LRP12: variants seen among roughly 807,000 people sequenced by gnomAD.
LRP12 encodes LDL receptor related protein 12.
In LRP12, 14 loss-of-function variants were observed where a neutral mutation model predicts 66.0. The ratio of observed to expected loss-of-function variants is 0.21; its 90% CI spans 0.14 to 0.33. The LOEUF (loss-of-function observed/expected upper bound fraction) is 0.33. Ranked by LOEUF, LRP12 falls within the 10% of genes least tolerant of loss-of-function variation. The pLI is 1.00. For synonymous variants in LRP12, 357 were observed against 359.1 expected (o/e 0.99, Z 0.07); for missense variants, 889 against 1,053.4 (o/e 0.84, Z 2.16).
At chr8:104,564,278 A>T (rs1042536597) in intron 1 of LRP12, among the ~76,000 whole-genome samples, 4 of 152,168 alleles carry the variant, frequency 2.6e-5, no homozygotes, top group Admixed American at 6.5e-5. Context: ...ATCACAAGGG[A>T]TCTGTTAAAA....
Position 104,509,033 on chromosome 8 carries a change from T to C in LRP12, c.178A>G (p.Ile60Val), listed in dbSNP as rs780355546. 14 of 1,613,804 alleles carry C rather than the reference T, an allele frequency of 8.7e-6. No individual in the cohort carries two copies. The highest frequency in any genetic ancestry group is 1.2e-5 in the Non-Finnish European group (14 of 1,179,854). Residue 60 changes from isoleucine (I) to valine (V), a missense_variant, in exon 3 of 7, where the codon ATA becomes GTA. Transcript: ENST00000276654. Reference sequence around the variant, plus strand: ...GAAGGCCAGCCTGGGCTTGTGATTATGCCACTTGGTGCTCGTATTTGCTCT... The same window carrying C: ...GAAGGCCAGCCTGGGCTTGTGATTACGCCACTTGGTGCTCGTATTTGCTCT... ...TPEQIRAPSG[I>V]ITSPGWPSEY...
At chr8:104,569,998 C>CA (rs1417768839) in intron 1 of LRP12, among the ~76,000 whole-genome samples, 2 of 152,102 alleles carry the variant, frequency 1.3e-5, no homozygotes, top group East Asian at 3.9e-4. Flanking sequence ...CATATACATG[C>CA]AAAAAACAAT....
intron 1 of LRP12, among the ~76,000 whole-genome samples, chr8:104,548,168 T>TACA (rs1188655431): frequency 1.7e-5 from 1 of 58,018 alleles, no homozygotes; most frequent in Non-Finnish European, 2.8e-5. Flanking sequence ...AATTATTATA[T>TACA]ATAATATAAT....
intron 2 of LRP12, among the ~76,000 whole-genome samples, chr8:104,517,452 T>A (rs1811087658): frequency 6.6e-6 from 1 of 151,854 alleles, no homozygotes; most frequent in African/African-American, 2.4e-5. Context: ...TAGACAGCAG[T>A]CAAGCCAAGA....
At chr8:104,548,773 C>G (rs1371897110) in intron 1 of LRP12, among the ~76,000 whole-genome samples, 1 of 148,560 alleles carries the variant, frequency 6.7e-6, no homozygotes, top group African/African-American at 2.5e-5. Flanking sequence ...GGAGAAACCC[C>G]GTCTCTACTA....
chr8:104,502,804 C>A (rs1810848863), intron 3 of LRP12, among the ~76,000 whole-genome samples: 1 of 151,872 alleles, frequency 6.6e-6, no homozygotes, highest in Admixed American at 6.6e-5. Context: ...CTTATCCAAA[C>A]TTAATAGCTC....
At chr8:104,570,961 G>A (rs547224049) in intron 1 of LRP12, among the ~76,000 whole-genome samples, 6 of 152,246 alleles carry the variant, frequency 3.9e-5, no homozygotes, top group African/African-American at 1.4e-4. Context: ...AAGTATATGA[G>A]AAGATGTTCA....
chr8:104,500,408 T>G (rs1306146671), intron 3 of LRP12, among the ~76,000 whole-genome samples: 1 of 152,162 alleles, frequency 6.6e-6, no homozygotes, highest in African/African-American at 2.4e-5. Context: ...TATTATGAAC[T>G]ATGCTTTAAA....
intron 2 of LRP12, among the ~76,000 whole-genome samples, chr8:104,511,624 A>T (rs2140845370): frequency 6.6e-6 from 1 of 152,362 alleles, no homozygotes; most frequent in African/African-American, 2.4e-5. Context: ...TTTTATCCAT[A>T]ATGATCAAAA....
chr8:104,542,271 A>C (rs769631134), intron 1 of LRP12, among the ~76,000 whole-genome samples: 3 of 152,162 alleles, frequency 2.0e-5, no homozygotes, highest in Non-Finnish European at 4.4e-5. Context: ...TCATGTGCTT[A>C]ACAGCCACTT....
chr8:104,564,536 G>A (rs138834220), intron 1 of LRP12, among the ~76,000 whole-genome samples: 10 of 152,114 alleles, frequency 6.6e-5, no homozygotes, highest in African/African-American at 2.2e-4. Context: ...AGGGATGAGA[G>A]TAGGGGACAG....
chr8:104,580,516 C>A (rs1812234004), intron 1 of LRP12, among the ~76,000 whole-genome samples: 1 of 149,912 alleles, frequency 6.7e-6, no homozygotes. Flanking sequence ...GGCGACAGAG[C>A]AAGACTCCGT....
intron 2 of LRP12, among the ~76,000 whole-genome samples, chr8:104,525,936 C>T (rs187697090): frequency 1.4e-4 from 21 of 152,154 alleles, no homozygotes; most frequent in African/African-American, 3.6e-4. Context: ...GAAAACCCCA[C>T]TGTCTCAGCC....
intron 6 of LRP12, among the ~76,000 whole-genome samples, chr8:104,493,225 A>G (rs1258491931): frequency 6.6e-6 from 1 of 152,212 alleles, no homozygotes; most frequent in Non-Finnish European, 1.5e-5. Context: ...CATTCCTCAA[A>G]AAGCGTTTCT....
At chr8:104,586,841 T>C (rs991262889) in intron 1 of LRP12, among the ~76,000 whole-genome samples, 3 of 152,156 alleles carry the variant, frequency 2.0e-5, no homozygotes, top group Non-Finnish European at 4.4e-5. Flanking sequence ...CCTCCTTTTT[T>C]TTTTTACACT....
intron 1 of LRP12, among the ~76,000 whole-genome samples, chr8:104,555,312 C>T (rs891812826): frequency 8.5e-5 from 13 of 152,132 alleles, no homozygotes; most frequent in African/African-American, 2.2e-4. Context: ...AATAGTACCT[C>T]GCATTTCAAT....
At position 104,490,873 on chromosome 8, in the gene LRP12, G is replaced by C; in HGVS notation, c.2380C>G (p.Pro794Ala). 4 of 1,614,098 alleles carry C rather than the reference G, an allele frequency of 2.5e-6. No individual in the cohort carries two copies. Among genetic ancestry groups the C allele is most frequent in the Non-Finnish European group, 3.4e-6 (4 of 1,180,018 alleles). The change falls in exon 7 of 7, where the codon CCT (proline) becomes GCT (alanine). Residue 794 changes from proline (P) to alanine (A), a missense_variant. Transcript: ENST00000276654. ...SDFDVNDCSR[P>A]LLDLASDQGQ... ...TGATCTGAGGCAAGATCAAGAAGAG[G>C]TCTGGAGCAGTCATTCACATCAAAG...
intron 1 of LRP12, among the ~76,000 whole-genome samples, chr8:104,537,796 T>G (rs1811411376): frequency 6.6e-6 from 1 of 151,966 alleles, no homozygotes; most frequent in South Asian, 2.1e-4. Flanking sequence ...TCCAAAAACA[T>G]AGAGTAAAAG....
chr8:104,586,563 G>A (rs1047962648), intron 1 of LRP12, among the ~76,000 whole-genome samples: 3 of 152,156 alleles, frequency 2.0e-5, no homozygotes, highest in African/African-American at 7.2e-5. Context: ...TGTTCTAACA[G>A]GCTCAAGGCG....
Sources: gnomAD v4.1 joint callset for allele counts (sites outside exome capture counted in the v4.1 genomes callset) on GRCh38, gnomAD v4.1.1 for gene constraint, MANE v1.5 for transcripts, NCBI Gene and HGNC (gene_info 2026-07-23, HGNC 2026-07-21) for gene names.